Variants in KRR1 observed in about 807,000 individuals in gnomAD.
KRR1 encodes KRR1 small subunit processome component homolog.
Under a neutral mutation model 50.0 loss-of-function variants are expected in KRR1, and 23 were observed. The ratio of observed to expected loss-of-function variants is 0.46; its 90% CI spans 0.33 to 0.65. KRR1 has a LOEUF of 0.65. Ranked by LOEUF, KRR1 falls within the 30% of genes least tolerant of loss-of-function variation. The pLI, the probability that KRR1 is intolerant of heterozygous loss-of-function variation, is 0.02. For synonymous variants in KRR1, 133 were observed against 146.3 expected (o/e 0.91, Z 0.66); for missense variants, 419 against 442.4 (o/e 0.95, Z 0.47).
At chr12:75,508,538 A>ATC in intron 1 of KRR1, 92 bp from the exon 2 acceptor site, 1 of 872,124 alleles carries the variant, frequency 1.1e-6, no homozygotes, top group Non-Finnish European at 1.7e-6. Flanking sequence ...CTTTATGAAC[A>ATC]TCCTATGCAC....
Position 75,491,503 on chromosome 12 carries a change from C to T in KRR1, c.*8306G>A, listed in dbSNP as rs953666470. 6.6e-6 allele frequency: 1 copy of T among 152,186 alleles called. No individual in the cohort carries two copies. Among genetic ancestry groups the T allele is most frequent in the African/African-American group, 2.4e-5 (1 of 41,440 alleles). The allele number at this position is 152,186 out of a possible 1,614,324, so 9.4% of individuals were successfully genotyped here. On this transcript the variant is annotated 3_prime_UTR_variant, in exon 10 of 10. Coordinates refer to ENST00000229214, the MANE Select transcript of KRR1 (RefSeq NM_007043.7). ...TATGTATCTTCAGTCACTTCTATTTCCCTATAATTCCTTGAGATACTAGCA... is the reference window on the plus strand; with the variant it reads ...TATGTATCTTCAGTCACTTCTATTTTCCTATAATTCCTTGAGATACTAGCA...
chr12:75,503,975 G>C lies in KRR1; in HGVS notation c.760C>G (p.Arg254Gly). 1 of 1,611,766 alleles carries C rather than the reference G, an allele frequency of 6.2e-7. No homozygotes were observed. Among genetic ancestry groups the C allele is most frequent in the Non-Finnish European group, 8.5e-7 (1 of 1,178,474 alleles). Residue 254 changes from arginine (R) to glycine (G), a missense_variant, in exon 7 of 10, where the codon CGC (arginine) becomes GGC (glycine). Physicochemically the swap from Arg to Gly is moderately radical, Grantham distance 125. Coordinates refer to ENST00000229214, the MANE Select transcript of KRR1 (RefSeq NM_007043.7). ...ACAGTTTTTTTCTTTGGTTCCTTGC[G>C]TTTATTCACATTTTTGTGTTTGAAC... is the stretch of plus-strand genomic sequence containing the variant. ...PQFKHKNVNK[R>G]KEPKKKTVKK...
intron 3 of KRR1, 36 bp downstream of exon 3, chr12:75,506,746 G>C: frequency 6.3e-7 from 1 of 1,596,720 alleles, no homozygotes; most frequent in Non-Finnish European, 8.5e-7. Flanking sequence ...TAACACTGAT[G>C]CAAACAAAGC....
At position 75,498,851 on chromosome 12, in the gene KRR1, G is replaced by A. The variant is rs768215922; in HGVS notation, c.*958C>T. The stretch of plus-strand genomic sequence containing the variant: ...TACTACTCTGTTGTATATCCAGGCT[G>A]GCCCATATATCCACGTAACAGATAC... On this transcript the variant is annotated 3_prime_UTR_variant, in exon 10 of 10. Transcript: ENST00000229214. 6.8e-6 allele frequency: 11 copies of A among 1,611,960 alleles called. No homozygotes were observed. The highest frequency in any genetic ancestry group is 2.2e-5 in the East Asian group (1 of 44,822).
chr12:75,500,152 A>G (rs2046381623), intron 9 of KRR1: 1 of 396,682 alleles, frequency 2.5e-6, no homozygotes, highest in Admixed American at 4.6e-5. Context: ...ATTAAGATAA[A>G]ACAAATCATA....
chr12:75,494,883 T>C lies in KRR1; in HGVS notation c.*4926A>G, dbSNP rs374101741. The C allele has an allele frequency of 2.0e-5, 3 of 152,232 alleles. No individual in the cohort carries two copies. The highest frequency in any genetic ancestry group is 4.1e-4 in the South Asian group (2 of 4,832). 9.4% of individuals were successfully genotyped at this position (152,232 alleles called of 1,614,324 possible). The stretch of plus-strand genomic sequence containing the variant: ...TCAGCCTCTAGCTATATAATGGGTA[T>C]AAATAGACAACAGTAACTTCCTCAT... On this transcript the variant is annotated 3_prime_UTR_variant, in exon 10 of 10. Coordinates refer to ENST00000229214, the MANE Select transcript of KRR1 (RefSeq NM_007043.7).
At position 75,498,523 on chromosome 12, in the gene KRR1, C is replaced by T; in HGVS notation, c.*1286G>A. ...ATGTAAAAAGTCAACTTAAAAATAC[C>T]AAGTTAATTCAGTCAGTTCAAAAAG... is the stretch of plus-strand genomic sequence containing the variant. On this transcript the variant is annotated 3_prime_UTR_variant, in exon 10 of 10. Transcript: ENST00000229214. 3 of 528,670 alleles carry T rather than the reference C, an allele frequency of 5.7e-6. No individual in the cohort carries two copies. The highest frequency in any genetic ancestry group is 3.1e-5 in the South Asian group (1 of 31,780). 32.7% of individuals were successfully genotyped at this position (528,670 alleles called of 1,614,324 possible). A position where few individuals can be genotyped will look rare whatever the true frequency, so the allele number is the denominator to read the frequency against.
chr12:75,504,118 A>C, intron 6 of KRR1, 44 bp from the exon 7 acceptor site: 1 of 1,441,694 alleles, frequency 6.9e-7, no homozygotes, highest in Non-Finnish European at 9.6e-7. Flanking sequence ...TTCCAAAGTC[A>C]CACATTTGTC....
In KRR1 at chr12:75,495,489, TC is replaced by T; in HGVS notation, c.*4319del. 4.2e-6 allele frequency: 3 copies of T among 705,892 alleles called. No homozygotes were observed. The South Asian group carries it at 4.8e-5, about 11-fold the overall frequency. 43.7% of individuals were successfully genotyped at this position (705,892 alleles called of 1,614,324 possible). On this transcript the variant is annotated 3_prime_UTR_variant, in exon 10 of 10. Coordinates refer to ENST00000229214, the MANE Select transcript of KRR1 (RefSeq NM_007043.7). ...GGACCTTTGTACTTCACTCCACTAT[TC>T]TTCTGGATTTAGTTAAGGATTCATA... is the stretch of plus-strand genomic sequence containing the variant.
chr12:75,498,621 A>C lies in KRR1; in HGVS notation c.*1188T>G. On this transcript the variant is annotated 3_prime_UTR_variant, in exon 10 of 10. Coordinates refer to ENST00000229214, the MANE Select transcript of KRR1 (RefSeq NM_007043.7). ...GTTAATGGTCATAATTATAAGACTT[A>C]GCTTTTTAAAATAAAACTCTCAACT... is the stretch of plus-strand genomic sequence containing the variant. 1 of 1,207,682 alleles carries C rather than the reference A, an allele frequency of 8.3e-7. No individual in the cohort carries two copies. Among genetic ancestry groups the C allele is most frequent in the South Asian group, 1.2e-5 (1 of 81,228 alleles). The allele number at this position is 1,207,682 out of a possible 1,614,324, so 74.8% of individuals were successfully genotyped here.
chr12:75,511,432 T>A (rs528376103), intron 1 of KRR1, 81 bp downstream of exon 1: 3 of 1,272,748 alleles, frequency 2.4e-6, no homozygotes, highest in South Asian at 2.4e-5. Flanking sequence ...GGTGGTTTTA[T>A]AAGTCCACGA....
rs575966559 is a variant in KRR1 at position 75,502,042 on chromosome 12, G to C, written c.832-42C>G. 6.6e-6 allele frequency: 10 copies of C among 1,503,882 alleles called. No individual in the cohort carries two copies. In the East Asian group the frequency reaches 2.3e-4, roughly 35 times the overall value. The allele number at this position is 1,503,882 out of a possible 1,614,324, so 93.2% of individuals were successfully genotyped here. A position where few individuals can be genotyped will look rare whatever the true frequency, so the allele number is the denominator to read the frequency against. Reference sequence around the variant, plus strand: ...TTACAATTACATCAGAAATAATGTAGAGGAGAAGTCATGTCCTAAGCAAGT... The same window carrying C: ...TTACAATTACATCAGAAATAATGTACAGGAGAAGTCATGTCCTAAGCAAGT... On this transcript the variant is annotated intron_variant, in intron 7 of 9. Coordinates refer to ENST00000229214, the MANE Select transcript of KRR1 (RefSeq NM_007043.7).
In KRR1 at chr12:75,499,501, G is replaced by A. The variant is rs2046375165; in HGVS notation, c.*308C>T. 5.7e-6 allele frequency: 1 copy of A among 175,830 alleles called. No homozygotes were observed. The allele number at this position is 175,830 out of a possible 1,614,324, so 10.9% of individuals were successfully genotyped here. ...AAGGGATAAACCTAAATATTTACTT[G>A]TTATCATTAGAGAGGGAACATCAAA... On this transcript the variant is annotated 3_prime_UTR_variant, in exon 10 of 10. Transcript: ENST00000229214.
chr12:75,495,889 CAA>C lies in KRR1; in HGVS notation c.*3918_*3919del, dbSNP rs1033657502. The C allele has an allele frequency of 6.4e-6, 2 of 312,540 alleles. No individual in the cohort carries two copies. 19.4% of individuals were successfully genotyped at this position (312,540 alleles called of 1,614,324 possible). ...GTTCTAATTGGTCAAACAACAACAA[CAA>C]AAAAAACTGTCAGAAACTGTAGACT... On this transcript the variant is annotated 3_prime_UTR_variant, in exon 10 of 10. Transcript: ENST00000229214.
chr12:75,497,039 GTA>G lies in KRR1; in HGVS notation c.*2768_*2769del, dbSNP rs1566100596. 1 of 152,072 alleles carries G rather than the reference GTA, an allele frequency of 6.6e-6. No homozygotes were observed. Among genetic ancestry groups the G allele is most frequent in the East Asian group, 1.9e-4 (1 of 5,188 alleles). 9.4% of individuals were successfully genotyped at this position (152,072 alleles called of 1,614,324 possible). ...TTTCACTCACTCTTCACTTCAGAAC[GTA>G]TATATTTCTTCCTTCCAAATTAACC... On this transcript the variant is annotated 3_prime_UTR_variant, in exon 10 of 10. Transcript: ENST00000229214.
Position 75,508,457 on chromosome 12 carries a change from G to A in KRR1, c.86-11C>T. The A allele has an allele frequency of 6.4e-7, 1 of 1,574,434 alleles. No individual in the cohort carries two copies. Among genetic ancestry groups the A allele is most frequent in the Non-Finnish European group, 8.6e-7 (1 of 1,165,994 alleles). On this transcript the variant is annotated splice_polypyrimidine_tract_variant and intron_variant, in intron 1 of 9. Transcript: ENST00000229214. ...GGAGTTCTGATTCATCTACAGAAAG[G>A]AAAAAATTTACACATCACATTTTAA...
Position 75,497,606 on chromosome 12 carries a change from T to C in KRR1, c.*2203A>G, listed in dbSNP as rs530253551. 6 of 152,324 alleles carry C rather than the reference T, an allele frequency of 3.9e-5. No homozygotes were observed. In the South Asian group the frequency reaches 1.0e-3, roughly 26 times the overall value. The allele number at this position is 152,324 out of a possible 1,614,324, so 9.4% of individuals were successfully genotyped here. A position where few individuals can be genotyped will look rare whatever the true frequency, so the allele number is the denominator to read the frequency against. On this transcript the variant is annotated 3_prime_UTR_variant, in exon 10 of 10. Coordinates refer to ENST00000229214, the MANE Select transcript of KRR1 (RefSeq NM_007043.7). ...GACTAAAAAACTTAAGAATCACCAT[T>C]TGACCTTTTATAAGGTCTGATGAAG...
chr12:75,498,453 ATAGT>A lies in KRR1; in HGVS notation c.*1352_*1355del. ...TGATGTGTAAAATGATTTTCCATTT[ATAGT>A]AATGGTATAGTTTCCTTTTTATAAA... On this transcript the variant is annotated 3_prime_UTR_variant, in exon 10 of 10. Transcript: ENST00000229214. 2.6e-6 allele frequency: 1 copy of A among 382,140 alleles called. No homozygotes were observed. The highest frequency in any genetic ancestry group is 4.6e-6 in the Non-Finnish European group (1 of 215,078). The allele number at this position is 382,140 out of a possible 1,614,324, so 23.7% of individuals were successfully genotyped here.
chr12:75,494,663 C>A lies in KRR1; in HGVS notation c.*5146G>T, dbSNP rs903058237. The A allele has an allele frequency of 1.3e-5, 2 of 152,060 alleles. No homozygotes were observed. The highest frequency in any genetic ancestry group is 4.8e-5 in the African/African-American group (2 of 41,396). 9.4% of individuals were successfully genotyped at this position (152,060 alleles called of 1,614,324 possible). ...GGCCTCACCAGACTGCCAAAGGGTA[C>A]GATTACACAAAAAAGTTTAGAACTT... On this transcript the variant is annotated 3_prime_UTR_variant, in exon 10 of 10. Transcript: ENST00000229214.
Sources: gnomAD v4.1 joint callset for allele counts on GRCh38, gnomAD v4.1.1 for gene constraint, MANE v1.5 for transcripts, NCBI Gene and HGNC (gene_info 2026-07-23, HGNC 2026-07-21) for gene names.